The following NINL variants were observed in gnomAD, a reference collection of about 807,000 sequenced individuals.
The protein encoded by NINL is ninein like.
Under a neutral mutation model 160.3 loss-of-function variants are expected in NINL, and 153 were observed. The ratio of observed to expected loss-of-function variants is 0.95; its 90% CI spans 0.84 to 1.09. The LOEUF (loss-of-function observed/expected upper bound fraction) is 1.09, where lower values mean the gene tolerates loss of function less well. NINL is among the 50% of genes least tolerant of loss of function. NINL has a pLI of 0.00. For missense variants in NINL, 1,829 were observed against 1,764.0 expected, an observed-to-expected ratio of 1.04 and a Z score of -0.66; for synonymous variants, 800 against 734.8, an observed-to-expected ratio of 1.09 and a Z score of -1.43.
chr20:25,492,428 C>A (rs1487592097), intron 10 of NINL, among the ~76,000 whole-genome samples: 1 of 151,978 alleles, frequency 6.6e-6, no homozygotes, highest in Non-Finnish European at 1.5e-5. Flanking sequence ...GCTCTGTGGC[C>A]ATCAGAAAAG....
At chr20:25,543,652 C>T (rs368823254) in intron 1 of NINL, among the ~76,000 whole-genome samples, 3 of 152,230 alleles carry the variant, frequency 2.0e-5, no homozygotes, top group East Asian at 1.9e-4. Context: ...ACCAATCAGA[C>T]TGATTGTGGG....
At chr20:25,499,641 C>A (rs2063827200) in intron 8 of NINL, among the ~76,000 whole-genome samples, 1 of 152,120 alleles carries the variant, frequency 6.6e-6, no homozygotes, top group Non-Finnish European at 1.5e-5. Context: ...GCTTTGCCAT[C>A]TTGGGGGACT....
chr20:25,519,397 CAA>C (rs1167232403), intron 2 of NINL, among the ~76,000 whole-genome samples: 2 of 152,154 alleles, frequency 1.3e-5, no homozygotes, highest in Admixed American at 6.5e-5. Flanking sequence ...TTTCTTCTTG[CAA>C]TTCTGACTTT....
At chr20:25,492,826 C>T (rs915101095) in intron 10 of NINL, among the ~76,000 whole-genome samples, 3 of 152,084 alleles carry the variant, frequency 2.0e-5, no homozygotes, top group Non-Finnish European at 4.4e-5. Flanking sequence ...GTGATACCCC[C>T]GGGAAAGTGA....
Position 25,480,174 on chromosome 20 carries a change from T to G in NINL, c.1904A>C (p.Gln635Pro). 6.2e-7 allele frequency: 1 copy of G among 1,613,792 alleles called. No homozygotes were observed. Among genetic ancestry groups the G allele is most frequent in the Non-Finnish European group, 8.5e-7 (1 of 1,179,760 alleles). ...TAATCCCCTCACCTTGGTCTCCAGC[T>G]GGGTCCTGAGGTCTTGGTAATGCTC... ...VKEHYQDLRT[Q>P]LETKVNYYER... Residue 635 changes from glutamine to proline, a missense_variant, in exon 15 of 24, where the codon CAG (glutamine) becomes CCG (proline). Gln to Pro is a moderately conservative substitution (Grantham distance 76). Coordinates refer to ENST00000278886, the MANE Select transcript of NINL (RefSeq NM_025176.6).
intron 8 of NINL, 43 bp from the exon 9 acceptor site, chr20:25,498,389 T>C: frequency 1.2e-6 from 2 of 1,605,778 alleles, no homozygotes; most frequent in Non-Finnish European, 8.5e-7. Flanking sequence ...CTGAGGGACT[T>C]CCCCAAGCAG....
chr20:25,487,334 T>C (rs1263666412), intron 13 of NINL, among the ~76,000 whole-genome samples: 1 of 152,212 alleles, frequency 6.6e-6, no homozygotes, highest in Non-Finnish European at 1.5e-5. Flanking sequence ...GGGTCTTAAA[T>C]GGCTGTTATT....
intron 1 of NINL, among the ~76,000 whole-genome samples, chr20:25,579,469 G>A (rs1006126278): frequency 1.3e-5 from 2 of 152,214 alleles, no homozygotes; most frequent in Non-Finnish European, 2.9e-5. Context: ...CACAAGTCAT[G>A]CACGGGGACT....
intron 10 of NINL, 149 bp downstream of exon 10, chr20:25,496,514 C>G (rs1054547933): frequency 9.0e-5 from 86 of 951,156 alleles, no homozygotes; most frequent in Non-Finnish European, 1.2e-4. Flanking sequence ...GCTGTGCCCC[C>G]TGGATTCCCC....
intron 13 of NINL, among the ~76,000 whole-genome samples, chr20:25,486,251 TC>T (rs1367159530): frequency 6.6e-6 from 1 of 151,638 alleles, no homozygotes; most frequent in Non-Finnish European, 1.5e-5. Flanking sequence ...GACAAAAAAA[TC>T]CAAAAAAAGG....
chr20:25,552,156 G>A (rs1408590369), intron 1 of NINL, among the ~76,000 whole-genome samples: 1 of 152,108 alleles, frequency 6.6e-6, no homozygotes, highest in Non-Finnish European at 1.5e-5. Context: ...GGGATGGGGA[G>A]GTACCAAAAT....
At position 25,528,216 on chromosome 20, in the gene NINL, C is replaced by T. The variant is rs188545161; in HGVS notation, c.-11-1618G>A. Among the ~76,000 whole-genome samples, 3 of 152,066 alleles carry T rather than the reference C, an allele frequency of 2.0e-5. No individual in the cohort carries two copies. In the East Asian group the frequency reaches 5.8e-4, roughly 29 times the overall value. On this transcript the variant is annotated intron_variant, in intron 1 of 23. Transcript: ENST00000278886. ...AGCTAATTTATTTAAAATTTTTTTA[C>T]CAAGATAGGAGTCTCACTATGTTAC...
chr20:25,459,411 C>A (rs2090779151), intron 21 of NINL, among the ~76,000 whole-genome samples: 1 of 152,182 alleles, frequency 6.6e-6, no homozygotes, highest in African/African-American at 2.4e-5. Flanking sequence ...ACGGGGGTCA[C>A]CCCAGAGAGA....
intron 19 of NINL, among the ~76,000 whole-genome samples, chr20:25,463,878 A>C (rs1360620109): frequency 1.3e-5 from 2 of 152,216 alleles, no homozygotes; most frequent in Non-Finnish European, 1.5e-5. Context: ...CCTTCCCTAG[A>C]ACCTCAAGCC....
rs768434948 is a variant in NINL, at chr20:25,476,292, C to T, written c.2999G>A (p.Arg1000Gln). 3.0e-5 allele frequency: 48 copies of T among 1,613,220 alleles called. No homozygotes were observed. The highest frequency in any genetic ancestry group is 3.7e-5 in the Non-Finnish European group (44 of 1,179,942). ...TQEQASEQQA[R>Q]AEGALEPGCH... Reference sequence around the variant, plus strand: ...CCCAGGCTCCAGGGCGCCCTCGGCCCGGGCCTGCTGCTCCGAGGCCTGCTC... The same window carrying T: ...CCCAGGCTCCAGGGCGCCCTCGGCCTGGGCCTGCTGCTCCGAGGCCTGCTC... The change falls in exon 17 of 24, where the codon CGG (arginine) becomes CAG (glutamine). Residue 1000 changes from arginine (R) to glutamine (Q), a missense_variant. Physicochemically the swap from Arg to Gln is conservative, Grantham distance 43. Coordinates refer to ENST00000278886, the MANE Select transcript of NINL (RefSeq NM_025176.6).
In NINL at chr20:25,476,663, C is replaced by T; in HGVS notation, c.2628G>A (p.Gly876=). 6.3e-7 allele frequency: 1 copy of T among 1,587,568 alleles called. No individual in the cohort carries two copies. Among genetic ancestry groups the T allele is most frequent in the Non-Finnish European group, 8.5e-7 (1 of 1,172,908 alleles). The change falls in exon 17 of 24, where the codon GGG becomes GGA. Residue 876 remains glycine (G), a synonymous_variant. Coordinates refer to ENST00000278886, the MANE Select transcript of NINL (RefSeq NM_025176.6). The part of the protein sequence containing the change: ...GRESEEAAGA[G]PRRRQAQDTE... Reference sequence around the variant, plus strand: ...TGTCCTGGGCTTGCCTGCGGCGAGGCCCGGCTCCTGCCGCCTCCTCAGACT... The same window carrying T: ...TGTCCTGGGCTTGCCTGCGGCGAGGTCCGGCTCCTGCCGCCTCCTCAGACT...
chr20:25,483,928 C>T (rs1331734908), intron 13 of NINL, among the ~76,000 whole-genome samples: 2 of 152,204 alleles, frequency 1.3e-5, no homozygotes, highest in South Asian at 2.1e-4. Context: ...GTGACTGCTT[C>T]GACCTAGGAG....
At chr20:25,516,969 C>G (rs1357216008) in intron 3 of NINL, among the ~76,000 whole-genome samples, 5 of 152,186 alleles carry the variant, frequency 3.3e-5, no homozygotes, top group South Asian at 4.1e-4. Context: ...CCTGGGGCCT[C>G]AGTTTCCTCA....
At chr20:25,561,867 C>T (rs1243733656) in intron 1 of NINL, among the ~76,000 whole-genome samples, 2 of 151,888 alleles carry the variant, frequency 1.3e-5, no homozygotes, top group East Asian at 2.0e-4. Context: ...TGAGGAGCGT[C>T]TCCGCCCAGC....
Sources: gnomAD v4.1 joint callset for allele counts (sites outside exome capture counted in the v4.1 genomes callset) on GRCh38, gnomAD v4.1.1 for gene constraint, MANE v1.5 for transcripts, NCBI Gene and HGNC (gene_info 2026-07-23, HGNC 2026-07-21) for gene names.